Variants in CEMIP observed in about 807,000 individuals in gnomAD.
CEMIP encodes cell migration inducing hyaluronidase 1.
A neutral mutation model predicts 156.9 loss-of-function variants in CEMIP; 105 were observed. The observed-to-expected ratio is 0.67, with a 90% CI of 0.57 to 0.79. The LOEUF is 0.79. Among genes scored for constraint, CEMIP ranks in the 30% least tolerant of loss-of-function variants. CEMIP has a pLI of 0.00. For missense variants in CEMIP, 1,457 were observed against 1,769.4 expected (o/e 0.82, Z 3.17); for synonymous variants, 676 against 668.4 (o/e 1.01, Z -0.17).
intron 1 of CEMIP, among the ~76,000 whole-genome samples, chr15:80,789,892 A>C (rs1896035803): frequency 6.6e-6 from 1 of 152,232 alleles, no homozygotes; most frequent in South Asian, 2.1e-4. Context: ...CTTCCGTTGA[A>C]TCTTGTGTAA....
chr15:80,888,853 C>T (rs955405124), intron 9 of CEMIP, 57 bp downstream of exon 9: 3 of 1,376,936 alleles, frequency 2.2e-6, no homozygotes, highest in Admixed American at 1.7e-5. Context: ...GACCAGAAAT[C>T]ACTGTCTTTG....
At chr15:80,885,687 G>C (rs1333345058) in intron 7 of CEMIP, among the ~76,000 whole-genome samples, 1 of 152,200 alleles carries the variant, frequency 6.6e-6, no homozygotes, top group Non-Finnish European at 1.5e-5. Context: ...CTCTTTGCCT[G>C]GTCCTGCATC....
intron 25 of CEMIP, chr15:80,938,289 C>T (rs1249129260): frequency 2.8e-6 from 1 of 357,836 alleles, no homozygotes; most frequent in African/African-American, 2.1e-5. Context: ...ATCTCAAATC[C>T]TCACAACAAC....
chr15:80,813,822 AATATTT>A (rs1322074146), intron 1 of CEMIP, among the ~76,000 whole-genome samples: 1 of 152,162 alleles, frequency 6.6e-6, no homozygotes, highest in East Asian at 1.9e-4. Flanking sequence ...AGTAAGACTT[AATATTT>A]ATATCAATTA....
At chr15:80,899,212 CA>C (rs761899088) in intron 12 of CEMIP, among the ~76,000 whole-genome samples, 111 of 129,714 alleles carry the variant, frequency 8.6e-4, no homozygotes, top group Admixed American at 1.6e-3. Flanking sequence ...TACTCTGTCT[CA>C]AAAAAAAAAA....
At chr15:80,885,252 T>G (rs1898796592) in intron 7 of CEMIP, among the ~76,000 whole-genome samples, 1 of 152,190 alleles carries the variant, frequency 6.6e-6, no homozygotes, top group South Asian at 2.1e-4. Flanking sequence ...GGGAGCAAGA[T>G]CAGAGGGAAG....
At chr15:80,899,883 A>T (rs1308694764) in intron 12 of CEMIP, among the ~76,000 whole-genome samples, 1 of 152,196 alleles carries the variant, frequency 6.6e-6, no homozygotes, top group Admixed American at 6.5e-5. Context: ...GGGAGGTCAG[A>T]TGTCCCCCTG....
At chr15:80,916,816 G>C (rs1023540081) in intron 14 of CEMIP, among the ~76,000 whole-genome samples, 1 of 152,166 alleles carries the variant, frequency 6.6e-6, no homozygotes, top group Admixed American at 6.5e-5. Flanking sequence ...CCCGAGGGCT[G>C]TCCTCGGCCT....
At chr15:80,925,342 G>A (rs1051359614) in intron 18 of CEMIP, among the ~76,000 whole-genome samples, 3 of 152,238 alleles carry the variant, frequency 2.0e-5, no homozygotes, top group African/African-American at 7.2e-5. Flanking sequence ...GCATGACTTT[G>A]TGGGAATGGC....
At chr15:80,943,209 G>C in intron 28 of CEMIP, 107 bp downstream of exon 28, 1 of 1,257,470 alleles carries the variant, frequency 8.0e-7, no homozygotes, top group Non-Finnish European at 1.2e-6. Context: ...GTCTGGAAAA[G>C]CTCAGGCAGT....
intron 28 of CEMIP, among the ~76,000 whole-genome samples, chr15:80,944,529 AAT>A (rs1463941178): frequency 6.6e-6 from 1 of 152,186 alleles, no homozygotes; most frequent in Non-Finnish European, 1.5e-5. Context: ...AGTAAACATT[AAT>A]AGTTATTAAA....
chr15:80,920,126 C>T lies in CEMIP; in HGVS notation c.1830C>T (p.Gly610=). Residue 610 remains glycine, a synonymous_variant, in exon 15 of 30, where the codon GGC becomes GGT. Coordinates refer to ENST00000394685, the MANE Select transcript of CEMIP (RefSeq NM_001293298.2). ...IKDVVGYNSL[G]HCFFTEDGPE... ...ACGTTGTGGGCTATAACTCTTTGGG[C>T]CACTGCTTCTTCACGGAAGATGGGC... 1 of 1,614,212 alleles carries T rather than the reference C, an allele frequency of 6.2e-7. No homozygotes were observed. The highest frequency in any genetic ancestry group is 2.2e-5 in the East Asian group (1 of 44,876).
chr15:80,822,829 A>G (rs1158812827), intron 1 of CEMIP, among the ~76,000 whole-genome samples: 3 of 152,142 alleles, frequency 2.0e-5, no homozygotes, highest in Admixed American at 2.0e-4. Flanking sequence ...TTTGGTTTAT[A>G]TGCCTTGATT....
rs148611056 is a variant in CEMIP at position 80,910,063 on chromosome 15, C to T, written c.1797+757C>T. Among the ~76,000 whole-genome samples, 1,098 of 152,226 alleles carry T rather than the reference C, an allele frequency of 7.2e-3. 6 individuals carry two copies. Among genetic ancestry groups the T allele is most frequent in the Middle Eastern group, 0.034 (10 of 294 alleles). ...TTATATCCTCTATAAACTTTAAAAC[C>T]GGATGTCACAGAATGACACCCTTTA... On this transcript the variant is annotated intron_variant, in intron 14 of 29. Coordinates refer to ENST00000394685, the MANE Select transcript of CEMIP (RefSeq NM_001293298.2).
At chr15:80,851,913 T>A (rs1897725102) in intron 1 of CEMIP, among the ~76,000 whole-genome samples, 2 of 151,992 alleles carry the variant, frequency 1.3e-5, no homozygotes, top group South Asian at 2.1e-4. Context: ...GGCGATGGAC[T>A]GGAAGGAGGA....
At chr15:80,829,420 A>G (rs951116329) in intron 1 of CEMIP, among the ~76,000 whole-genome samples, 3 of 152,148 alleles carry the variant, frequency 2.0e-5, no homozygotes, top group Non-Finnish European at 4.4e-5. Flanking sequence ...GTTCCTCATT[A>G]GCTCCTGCTG....
At chr15:80,819,953 C>T (rs1398423379) in intron 1 of CEMIP, among the ~76,000 whole-genome samples, 1 of 152,210 alleles carries the variant, frequency 6.6e-6, no homozygotes, top group Non-Finnish European at 1.5e-5. Context: ...CCCTTGACTT[C>T]TGCAGTCAAC....
At chr15:80,936,959 C>T (rs1008640011) in intron 24 of CEMIP, 74 bp downstream of exon 24, 17 of 1,426,702 alleles carry the variant, frequency 1.2e-5, no homozygotes, top group Non-Finnish European at 1.5e-5. Flanking sequence ...CCTGGACTTG[C>T]GTCTAACGAA....
chr15:80,853,240 C>A (rs1897756030), intron 1 of CEMIP, among the ~76,000 whole-genome samples: 1 of 152,052 alleles, frequency 6.6e-6, no homozygotes, highest in Non-Finnish European at 1.5e-5. Flanking sequence ...AGTTGAGCTA[C>A]ATTTAGTCAA....
Sources: gnomAD v4.1 joint callset for allele counts (sites outside exome capture counted in the v4.1 genomes callset) on GRCh38, gnomAD v4.1.1 for gene constraint, MANE v1.5 for transcripts, NCBI Gene and HGNC (gene_info 2026-07-23, HGNC 2026-07-21) for gene names.